The following ANKRD11 variants were observed in gnomAD, a reference collection of about 807,000 sequenced individuals.
The protein encoded by ANKRD11 is ankyrin repeat domain 11, also known as ankyrin repeat domain-containing protein 11.
ANKRD11 carries 17 observed loss-of-function variants against 195.7 expected under a neutral mutation model. The ratio of observed to expected loss-of-function variants is 0.09; its 90% CI spans 0.06 to 0.13. The LOEUF is 0.13. Ranked by LOEUF, ANKRD11 falls within the 10% of genes least tolerant of loss-of-function variation. The pLI, the probability that ANKRD11 is intolerant of heterozygous loss-of-function variation, is 1.00. For synonymous variants in ANKRD11, 1,953 were observed against 1,528.1 expected, an observed-to-expected ratio of 1.28 and a Z score of -6.49; for missense variants, 3,735 against 3,566.1, an observed-to-expected ratio of 1.05 and a Z score of -1.21.
chr16:89,442,685 G>T (rs1013725449), intron 1 of ANKRD11, among the ~76,000 whole-genome samples: 2 of 152,224 alleles, frequency 1.3e-5, no homozygotes, highest in Non-Finnish European at 2.9e-5. Context: ...GACACGGTTA[G>T]TCCTTTCCTC....
chr16:89,428,795 A>G (rs1287340372), intron 1 of ANKRD11, among the ~76,000 whole-genome samples: 5 of 150,348 alleles, frequency 3.3e-5, no homozygotes, highest in Admixed American at 2.0e-4. Context: ...TCAGGAGGCT[A>G]AGGCAGGAGA....
intron 1 of ANKRD11, among the ~76,000 whole-genome samples, chr16:89,459,940 A>C (rs1466916395): frequency 6.6e-6 from 1 of 151,814 alleles, no homozygotes; most frequent in Admixed American, 6.6e-5. Flanking sequence ...ATCCAAAAAA[A>C]AAGAAAAAAA....
At chr16:89,374,020 C>T (rs955276372) in intron 2 of ANKRD11, among the ~76,000 whole-genome samples, 1 of 152,214 alleles carries the variant, frequency 6.6e-6, no homozygotes, top group African/African-American at 2.4e-5. Context: ...ACAGGAGCTC[C>T]GCACTTCTGC....
At chr16:89,421,098 C>T (rs2042491774) in intron 1 of ANKRD11, among the ~76,000 whole-genome samples, 2 of 151,432 alleles carry the variant, frequency 1.3e-5, no homozygotes, top group Middle Eastern at 3.3e-3. Context: ...GGACCATCAC[C>T]CATCCATGTC....
intron 2 of ANKRD11, among the ~76,000 whole-genome samples, chr16:89,341,965 A>G (rs2038695333): frequency 6.7e-6 from 1 of 149,150 alleles, no homozygotes; most frequent in Admixed American, 6.7e-5. Flanking sequence ...GCCACGGCCC[A>G]TGGCAGGAGT....
In ANKRD11 at chr16:89,386,700, C is replaced by T. The variant is rs142507724; in HGVS notation, c.-60+31584G>A. ...TCTGCTAGGTGGAAAAGCAGACACG[C>T]TTATAAGCTACTCAAGTTTTTTATT... is the stretch of plus-strand genomic sequence containing the variant. On this transcript the variant is annotated intron_variant, in intron 2 of 12. Transcript: ENST00000301030. 1.8e-3 allele frequency among the ~76,000 whole-genome samples: 271 copies of T among 152,334 alleles called. 2 individuals carry two copies. Among genetic ancestry groups the T allele is most frequent in the African/African-American group, 5.7e-3 (238 of 41,576 alleles).
intron 4 of ANKRD11, among the ~76,000 whole-genome samples, chr16:89,301,837 T>C (rs2035874271): frequency 6.6e-6 from 1 of 152,160 alleles, no homozygotes; most frequent in African/African-American, 2.4e-5. Flanking sequence ...TCCATGGCAC[T>C]GGACCGCGGG....
At chr16:89,375,885 C>G (rs1456911471) in intron 2 of ANKRD11, among the ~76,000 whole-genome samples, 3 of 151,926 alleles carry the variant, frequency 2.0e-5, no homozygotes, top group African/African-American at 7.3e-5. Flanking sequence ...ACTAGCGATG[C>G]TGGCAGTGCT....
intron 1 of ANKRD11, among the ~76,000 whole-genome samples, chr16:89,479,043 G>A (rs2057351327): frequency 1.3e-5 from 2 of 151,918 alleles, no homozygotes. Flanking sequence ...CTCAACCTTC[G>A]GGCCTCAAGA....
chr16:89,389,304 C>T (rs1307201838), intron 2 of ANKRD11, among the ~76,000 whole-genome samples: 1 of 151,904 alleles, frequency 6.6e-6, no homozygotes, highest in Non-Finnish European at 1.5e-5. Context: ...GGATTACAGG[C>T]GTGAGCCACC....
chr16:89,393,091 G>T (rs893019761), intron 2 of ANKRD11, among the ~76,000 whole-genome samples: 1 of 151,976 alleles, frequency 6.6e-6, no homozygotes, highest in Non-Finnish European at 1.5e-5. Context: ...AGGAAACACG[G>T]TCTCCCTCCC....
At chr16:89,350,856 A>C (rs538058246) in intron 2 of ANKRD11, among the ~76,000 whole-genome samples, 1 of 152,144 alleles carries the variant, frequency 6.6e-6, no homozygotes. Context: ...ATGCTAATGG[A>C]GTGGAACGGG....
At position 89,280,730 on chromosome 16, in the gene ANKRD11, G is replaced by A. The variant is rs1225667881; in HGVS notation, c.5812C>T (p.Pro1938Ser). ...PSYLEPLDEG[P>S]FSAVITEEPV... ...TCCTCGGTGATGACGGCGCTGAAGG[G>A]ACCCTCGTCCAGCGGCTCCAGGTAG... Residue 1938 changes from proline (P) to serine (S), a missense_variant, in exon 9 of 13, where the codon CCC becomes TCC. Physicochemically the swap from Pro to Ser is moderately conservative, Grantham distance 74 (BLOSUM62 -1). Coordinates refer to ENST00000301030, the MANE Select transcript of ANKRD11 (RefSeq NM_013275.6). The A allele has an allele frequency of 6.2e-7, 1 of 1,613,380 alleles. No homozygotes were observed. The highest frequency in any genetic ancestry group is 8.5e-7 in the Non-Finnish European group (1 of 1,179,930).
intron 2 of ANKRD11, among the ~76,000 whole-genome samples, chr16:89,384,907 T>TTTTTTTTTTTTTTTTA (rs2040842888): frequency 1.2e-5 from 1 of 85,708 alleles, no homozygotes; most frequent in East Asian, 4.1e-4. Context: ...TTTTTTTTTT[T>TTTTTTTTTTTTTTTTA]GAGACTACGT....
chr16:89,444,434 G>T (rs544920381), intron 1 of ANKRD11, among the ~76,000 whole-genome samples: 2 of 152,024 alleles, frequency 1.3e-5, no homozygotes, highest in Non-Finnish European at 2.9e-5. Context: ...AAGCACTAAC[G>T]GCCTACTTTT....
At chr16:89,466,247 T>C (rs1281849626) in intron 1 of ANKRD11, among the ~76,000 whole-genome samples, 3 of 151,890 alleles carry the variant, frequency 2.0e-5, no homozygotes, top group South Asian at 4.2e-4. Context: ...ATCTTATTTA[T>C]CTAAAACCCA....
At position 89,285,586 on chromosome 16, in the gene ANKRD11, G is replaced by A. The variant is rs745932163; in HGVS notation, c.956C>T (p.Thr319Met). The change falls in exon 9 of 13, where the codon ACG (threonine) becomes ATG (methionine). Residue 319 changes from threonine to methionine, a missense_variant. Transcript: ENST00000301030. The surrounding 1 kb of genome is among the most constrained non-coding windows in gnomAD (Gnocchi z 5.6). Reference protein sequence around the residue: ...APSSSVDGNNTDSEFEKGLKH... With the variant: ...APSSSVDGNNMDSEFEKGLKH... ...GAGGCCTTTTTCGAACTCGGAGTCC[G>A]TGTTGTTGCCGTCGACTGAACTGGA... 6 of 1,614,164 alleles carry A rather than the reference G, an allele frequency of 3.7e-6. No individual in the cohort carries two copies. The highest frequency in any genetic ancestry group is 5.1e-6 in the Non-Finnish European group (6 of 1,180,036).
chr16:89,462,765 C>T (rs2056731771), intron 1 of ANKRD11, among the ~76,000 whole-genome samples: 1 of 151,778 alleles, frequency 6.6e-6, no homozygotes, highest in South Asian at 2.1e-4. Context: ...GCCACCCCGT[C>T]TGACAAGTGA....
chr16:89,333,822 G>A (rs968654882), intron 2 of ANKRD11, among the ~76,000 whole-genome samples: 3 of 152,080 alleles, frequency 2.0e-5, no homozygotes, highest in Admixed American at 1.3e-4. Flanking sequence ...GAAACATTAG[G>A]GGGCACTGCA....
Sources: allele counts gnomAD v4.1 joint callset (sites outside exome capture counted in the v4.1 genomes callset), GRCh38; gene constraint gnomAD v4.1.1; non-coding constraint Gnocchi (gnomAD v3.1); transcripts MANE v1.5; gene names NCBI Gene and HGNC (gene_info 2026-07-23, HGNC 2026-07-21).